Variants in AGBL1 observed in about 807,000 individuals in gnomAD.
AGBL1 encodes cytosolic carboxypeptidase 4.
AGBL1 carries 130 observed loss-of-function variants against 118.9 expected under a neutral mutation model. The observed-to-expected ratio is 1.09, with a 90% CI of 0.95 to 1.26. AGBL1 has a LOEUF of 1.26. AGBL1 is among the 50% of genes most tolerant of loss of function. The pLI, the probability that AGBL1 is intolerant of heterozygous loss-of-function variation, is 0.00. For synonymous variants in AGBL1, 555 were observed against 478.9 expected (o/e 1.16, Z -2.08); for missense variants, 1,584 against 1,298.1 (o/e 1.22, Z -3.38).
intron 1 of AGBL1, among the ~76,000 whole-genome samples, chr15:86,114,393 T>C (rs1034985392): frequency 6.6e-6 from 1 of 152,184 alleles, no homozygotes; most frequent in Admixed American, 6.5e-5. Context: ...TCTTCTACTC[T>C]GGTCTGCTTG....
In AGBL1 at chr15:86,839,944, T is replaced by C. The variant is rs548162506; in HGVS notation, c.3159-67143T>C. 2.6e-5 allele frequency among the ~76,000 whole-genome samples: 4 copies of C among 152,340 alleles called. No homozygotes were observed. The South Asian group carries it at 6.2e-4, about 24-fold the overall frequency. Reference sequence around the variant, plus strand: ...CAGACTTCTATGAATTTTTTATGCATATCTACCTTTCCAGGCAAGTCACAA... The same window carrying C: ...CAGACTTCTATGAATTTTTTATGCACATCTACCTTTCCAGGCAAGTCACAA... On this transcript the variant is annotated intron_variant, in intron 22 of 22. Coordinates refer to ENST00000614907, the MANE Select transcript of AGBL1 (RefSeq NM_001386094.1).
At chr15:86,095,729 C>T (rs1321127923) in intron 1 of AGBL1, among the ~76,000 whole-genome samples, 3 of 131,130 alleles carry the variant, frequency 2.3e-5, no homozygotes, top group African/African-American at 8.7e-5. Context: ...CACTAATACT[C>T]TCTGTGGTTG....
intron 5 of AGBL1, among the ~76,000 whole-genome samples, chr15:86,184,800 G>A (rs1431125855): frequency 6.6e-6 from 1 of 152,032 alleles, no homozygotes; most frequent in East Asian, 1.9e-4. Flanking sequence ...AAGTTCATAT[G>A]GAACCAAAAA....
At chr15:86,151,166 G>C (rs955779281) in intron 3 of AGBL1, among the ~76,000 whole-genome samples, 2 of 151,994 alleles carry the variant, frequency 1.3e-5, no homozygotes, top group Non-Finnish European at 2.9e-5. Flanking sequence ...GGTGGGGTGG[G>C]GGAGGGATAG....
intron 1 of AGBL1, among the ~76,000 whole-genome samples, chr15:86,131,387 A>G (rs1180756899): frequency 6.6e-6 from 1 of 152,226 alleles, no homozygotes; most frequent in Admixed American, 6.5e-5. Context: ...TTTGGATTTT[A>G]CAGTCAAAAA....
intron 18 of AGBL1, among the ~76,000 whole-genome samples, chr15:86,463,597 A>G (rs1567005639): frequency 6.6e-6 from 1 of 152,174 alleles, no homozygotes; most frequent in Non-Finnish European, 1.5e-5. Flanking sequence ...TCTTTAATCC[A>G]TCTTGAGTTA....
At chr15:86,561,971 A>T (rs1001683613) in intron 21 of AGBL1, among the ~76,000 whole-genome samples, 7 of 152,116 alleles carry the variant, frequency 4.6e-5, no homozygotes, top group Non-Finnish European at 7.4e-5. Flanking sequence ...TTATTGGTGT[A>T]TAAGAATGCT....
chr15:86,647,763 T>C (rs1217596830), intron 21 of AGBL1, among the ~76,000 whole-genome samples: 1 of 152,162 alleles, frequency 6.6e-6, no homozygotes, highest in African/African-American at 2.4e-5. Context: ...GCATGAATCA[T>C]ATAGATTACT....
chr15:86,832,869 G>C (rs1305915543), intron 22 of AGBL1, among the ~76,000 whole-genome samples: 3 of 152,106 alleles, frequency 2.0e-5, no homozygotes, highest in Middle Eastern at 3.2e-3. Context: ...GTATTAGTCT[G>C]TTCTCATGCT....
chr15:87,008,246 G>T (rs937997884), intron 24 of AGBL1, among the ~76,000 whole-genome samples: 4 of 152,174 alleles, frequency 2.6e-5, no homozygotes, highest in East Asian at 1.9e-4. Context: ...TGTTGTGGGA[G>T]GGACCCAGTG....
At chr15:86,575,688 C>G (rs1225696463) in intron 21 of AGBL1, among the ~76,000 whole-genome samples, 1 of 151,844 alleles carries the variant, frequency 6.6e-6, no homozygotes, top group East Asian at 2.0e-4. Flanking sequence ...TTCCTGGGCT[C>G]AAGTGATCCT....
chr15:86,459,000 G>C (rs1314279423), intron 18 of AGBL1, among the ~76,000 whole-genome samples: 1 of 152,086 alleles, frequency 6.6e-6, no homozygotes, highest in Non-Finnish European at 1.5e-5. Context: ...TTAAAAGCTT[G>C]GTAAAATCTC....
At chr15:86,816,802 C>T (rs888831326) in intron 22 of AGBL1, among the ~76,000 whole-genome samples, 7 of 152,126 alleles carry the variant, frequency 4.6e-5, no homozygotes, top group Non-Finnish European at 1.0e-4. Flanking sequence ...GTCATCTTAT[C>T]TTTGAAAATA....
intron 5 of AGBL1, among the ~76,000 whole-genome samples, chr15:86,168,088 A>G (rs1407045564): frequency 6.6e-6 from 1 of 152,206 alleles, no homozygotes; most frequent in Non-Finnish European, 1.5e-5. Flanking sequence ...CCATTGATTC[A>G]TTCAGCAGTA....
At chr15:86,400,413 C>G (rs967238590) in intron 18 of AGBL1, among the ~76,000 whole-genome samples, 1 of 150,788 alleles carries the variant, frequency 6.6e-6, no homozygotes, top group African/African-American at 2.4e-5. Context: ...TGGGTATATT[C>G]TTATTAATAG....
intron 22 of AGBL1, among the ~76,000 whole-genome samples, chr15:86,693,081 G>A (rs2086200051): frequency 6.6e-6 from 1 of 152,064 alleles, no homozygotes; most frequent in South Asian, 2.1e-4. Flanking sequence ...GCATGTGCAA[G>A]TATCTTTTTC....
intron 21 of AGBL1, among the ~76,000 whole-genome samples, chr15:86,656,109 A>T (rs981729210): frequency 1.3e-5 from 2 of 152,192 alleles, no homozygotes; most frequent in Non-Finnish European, 2.9e-5. Flanking sequence ...AGATAAAATC[A>T]TGGAGGTCTT....
rs1314992514 is a variant in AGBL1, at chr15:86,827,468, T to C, written c.3159-79619T>C. Among the ~76,000 whole-genome samples the C allele has an allele frequency of 7.1e-3, 75 of 10,538 alleles. 14 individuals carry two copies. Among genetic ancestry groups the C allele is most frequent in the African/African-American group, 0.044 (61 of 1,398 alleles). The allele number at this position is 10,538 out of a possible 152,430, so 6.9% of individuals were successfully genotyped here. ...GTGTGTGTATATATATATATATATATACATATATATATATATGTGTGTATA... is the reference window on the plus strand; with the variant it reads ...GTGTGTGTATATATATATATATATACACATATATATATATATGTGTGTATA... On this transcript the variant is annotated intron_variant, in intron 22 of 22. Coordinates refer to ENST00000614907, the MANE Select transcript of AGBL1 (RefSeq NM_001386094.1).
chr15:86,597,132 T>TATCC (rs57387070), intron 21 of AGBL1, among the ~76,000 whole-genome samples: 102,370 of 147,418 alleles, frequency 0.69, 36,297 homozygotes, highest in East Asian at 0.85. Context: ...AATCTACCTA[T>TATCC]ATCCATCCAT....
Sources: gnomAD v4.1 joint callset for allele counts (sites outside exome capture counted in the v4.1 genomes callset) on GRCh38, gnomAD v4.1.1 for gene constraint, MANE v1.5 for transcripts, NCBI Gene and HGNC (gene_info 2026-07-23, HGNC 2026-07-21) for gene names.